The following MSL3B variants were observed in gnomAD, a reference collection of about 807,000 sequenced individuals.
MSL3B encodes MSL complex subunit 3B.
the MSL3B span, among the ~76,000 whole-genome samples, chr2:233,867,709 C>T: frequency 6.6e-6 from 1 of 151,778 alleles, no homozygotes; most frequent in Non-Finnish European, 1.5e-5. Context: ...AACTCCTGAC[C>T]TCAAGTGATC....
At chr2:233,865,926 C>A in the MSL3B span, 3 of 335,428 alleles carry the variant, frequency 8.9e-6, no homozygotes, top group African/African-American at 6.5e-5. Flanking sequence ...CATGTCAGAA[C>A]ACTTTCAGGC....
the MSL3B span, chr2:233,866,467 C>G: frequency 2.6e-5 from 33 of 1,270,972 alleles, no homozygotes; most frequent in East Asian, 3.9e-4. Context: ...ACACAGGACT[C>G]CCTTCCTGGC....
chr2:233,865,954 A>G, the MSL3B span: 1,308 of 351,390 alleles, frequency 3.7e-3, 11 homozygotes, highest in African/African-American at 0.023. Context: ...AAATAATTCT[A>G]AACAGAGTAA....
At chr2:233,868,245 G>C in the MSL3B span, 5 of 384,522 alleles carry the variant, frequency 1.3e-5, no homozygotes, top group Admixed American at 1.0e-4. Flanking sequence ...GTCGGACGGC[G>C]TCCGACGGGA....
the MSL3B span, chr2:233,866,906 A>T: frequency 6.7e-7 from 1 of 1,483,502 alleles, no homozygotes. Context: ...ATCAAAGGTT[A>T]TTCTTAATCC....
the MSL3B span, chr2:233,866,943 T>C: frequency 9.8e-5 from 140 of 1,426,878 alleles, no homozygotes; most frequent in East Asian, 1.8e-3. Flanking sequence ...CAAAGGTCAA[T>C]ATTCTTTTCT....
chr2:233,865,913 T>C, the MSL3B span: 1 of 327,710 alleles, frequency 3.1e-6, no homozygotes, highest in Non-Finnish European at 5.9e-6. Flanking sequence ...AAGTAGCAAG[T>C]GTCATGTCAG....
chr2:233,867,631 A>G, the MSL3B span, among the ~76,000 whole-genome samples: 1 of 151,088 alleles, frequency 6.6e-6, no homozygotes, highest in Non-Finnish European at 1.5e-5. Flanking sequence ...GCCCACCACC[A>G]TGTCCTGCTA....
the MSL3B span, chr2:233,866,668 C>A: frequency 1.3e-6 from 1 of 789,000 alleles, no homozygotes; most frequent in Non-Finnish European, 2.3e-6. Flanking sequence ...GCACTGCTTG[C>A]GGCTCGGCTT....
chr2:233,868,019 G>GA, the MSL3B span: 1 of 208,606 alleles, frequency 4.8e-6, no homozygotes, highest in South Asian at 7.4e-5. Flanking sequence ...TCAAACTCCT[G>GA]ACCTCGTGAT....
At chr2:233,864,719 T>G in the MSL3B span, among the ~76,000 whole-genome samples, 1 of 152,350 alleles carries the variant, frequency 6.6e-6, no homozygotes, top group South Asian at 2.1e-4. Context: ...CAGTTCGACA[T>G]TTAACCAATG....
the MSL3B span, chr2:233,867,112 C>G: frequency 7.6e-6 from 7 of 919,198 alleles, no homozygotes; most frequent in African/African-American, 1.6e-5. Flanking sequence ...CTAACCGTTT[C>G]CTCCGATTAA....
chr2:233,866,691 G>C, the MSL3B span: 1 of 790,008 alleles, frequency 1.3e-6, no homozygotes, highest in Non-Finnish European at 2.3e-6. Context: ...CGCCTTTTAG[G>C]GGTGGCTGGT....
At chr2:233,864,715 G>A in the MSL3B span, among the ~76,000 whole-genome samples, 4 of 152,068 alleles carry the variant, frequency 2.6e-5, no homozygotes, top group Non-Finnish European at 4.4e-5. Flanking sequence ...TTGTCAGTTC[G>A]ACATTTAACC....
chr2:233,867,368 A>G, the MSL3B span: 1 of 583,212 alleles, frequency 1.7e-6, no homozygotes, highest in Non-Finnish European at 3.1e-6. Flanking sequence ...AAAAAGACAG[A>G]GTCAGCACCA....
the MSL3B span, chr2:233,867,218 G>A: frequency 1.3e-5 from 10 of 768,392 alleles, no homozygotes; most frequent in Admixed American, 7.2e-5. Context: ...TTGAAGCTCC[G>A]GTTCTTCTTT....
At chr2:233,866,607 TAGAA>T in the MSL3B span, 5 of 811,228 alleles carry the variant, frequency 6.2e-6, no homozygotes, top group Non-Finnish European at 1.1e-5. Context: ...GTGCTGCTCT[TAGAA>T]AGCCTGTCAC....
the MSL3B span, chr2:233,867,392 G>A: frequency 9.4e-6 from 5 of 534,326 alleles, no homozygotes; most frequent in South Asian, 4.3e-5. Flanking sequence ...AACCTGGAGC[G>A]GCTGCTTCTT....
At chr2:233,868,160 C>G in the MSL3B span, 2 of 419,676 alleles carry the variant, frequency 4.8e-6, no homozygotes, top group Non-Finnish European at 9.8e-6. Flanking sequence ...TCAGTTCCAA[C>G]CGTTACAACG....
Sources: allele counts gnomAD v4.1 joint callset (sites outside exome capture counted in the v4.1 genomes callset), GRCh38; gene constraint gnomAD v4.1.1; transcripts MANE v1.5; gene names NCBI Gene and HGNC (gene_info 2026-07-23, HGNC 2026-07-21).